Variants in CYP24A1 observed in about 807,000 individuals in gnomAD.
CYP24A1 encodes the protein cytochrome P450 family 24 subfamily A member 1.
CYP24A1 carries 68 observed loss-of-function variants against 62.4 expected under a neutral mutation model. That is an observed-to-expected ratio of 1.09 (90% CI 0.90 to 1.33). CYP24A1 has a LOEUF of 1.33. CYP24A1 is among the 40% of genes most tolerant of loss of function. CYP24A1 has a pLI of 0.00. For synonymous variants in CYP24A1, 267 were observed against 253.0 expected (o/e 1.06, Z -0.52); for missense variants, 787 against 653.0 (o/e 1.21, Z -2.24).
the CYP24A1 span, among the ~76,000 whole-genome samples, chr20:54,146,775 G>T: frequency 6.6e-6 from 1 of 152,180 alleles, no homozygotes; most frequent in East Asian, 1.9e-4. Context: ...CAATTCTAAA[G>T]CATTGGTACT....
chr20:54,165,815 T>C lies in CYP24A1; in HGVS notation c.659A>G (p.Tyr220Cys), dbSNP rs915857274. 2.0e-6 allele frequency: 3 copies of C among 1,464,116 alleles called. No homozygotes were observed. Among genetic ancestry groups the C allele is most frequent in the African/African-American group, 2.8e-5 (2 of 72,140 alleles). 90.7% of individuals were successfully genotyped at this position (1,464,116 alleles called of 1,614,324 possible). A position where few individuals can be genotyped will look rare whatever the true frequency, so the allele number is the denominator to read the frequency against. The part of the protein sequence containing the change: ...WSFESICLVL[Y>C]EKRFGLLQKN... ...CTGGAGAAGCCCAAATCTCTTCTCA[T>C]ACAACACGAGGCAGATACCTGTCAT... Residue 220 changes from tyrosine (Y) to cysteine (C), a missense_variant, in exon 5 of 12, where the codon TAT becomes TGT. By Grantham distance (194) the Tyr-to-Cys change is radical. Transcript: ENST00000216862.
chr20:54,154,559 C>A lies in CYP24A1; in HGVS notation c.*213G>T, dbSNP rs1479032958. 1 of 152,646 alleles carries A rather than the reference C, an allele frequency of 6.6e-6. No homozygotes were observed. The highest frequency in any genetic ancestry group is 1.9e-4 in the East Asian group (1 of 5,248). The allele number at this position is 152,646 out of a possible 1,614,324, so 9.5% of individuals were successfully genotyped here. On this transcript the variant is annotated 3_prime_UTR_variant, in exon 12 of 12. Transcript: ENST00000216862. ...GGCAGGGCCTGAAACGGTTTGTAAC[C>A]TCTACCTGACTGACAAGTGCCAGCC...
chr20:54,144,737 C>G, the CYP24A1 span, among the ~76,000 whole-genome samples: 1 of 150,764 alleles, frequency 6.6e-6, no homozygotes, highest in African/African-American at 2.4e-5. Context: ...CTTGGCCCTG[C>G]AAATTATGTA....
At chr20:54,168,383 T>C (rs552881940) in intron 4 of CYP24A1, among the ~76,000 whole-genome samples, 1 of 152,128 alleles carries the variant, frequency 6.6e-6, no homozygotes, top group Non-Finnish European at 1.5e-5. Context: ...CCAGGACCTA[T>C]GAGCTGTGCC....
intron 11 of CYP24A1, among the ~76,000 whole-genome samples, chr20:54,156,694 T>G (rs1295659952): frequency 6.6e-6 from 1 of 152,198 alleles, no homozygotes; most frequent in Non-Finnish European, 1.5e-5. Flanking sequence ...TTTTAGTAAT[T>G]TGCGGTGGCA....
rs1272248830 is a variant in CYP24A1 at position 54,169,643 on chromosome 20, T to C, written c.589A>G (p.Arg197Gly). The part of the protein sequence containing the change: ...MGRIDELCDE[R>G]GHVEDLYSEL... ...CTGTACAAGTCTTCAACGTGGCCTC[T>C]TTCATCACAGAGCTCATCTATTCTG... Residue 197 changes from arginine (R) to glycine (G), a missense_variant, in exon 4 of 12, where the codon AGA becomes GGA. Physicochemically the swap from Arg to Gly is moderately radical, Grantham distance 125. Coordinates refer to ENST00000216862, the MANE Select transcript of CYP24A1 (RefSeq NM_000782.5). The C allele has an allele frequency of 6.2e-7, 1 of 1,614,224 alleles. No individual in the cohort carries two copies. Among genetic ancestry groups the C allele is most frequent in the South Asian group, 1.1e-5 (1 of 91,084 alleles).
Position 54,171,670 on chromosome 20 carries a change from C to T in CYP24A1, c.450G>A (p.Leu150=). 6.2e-7 allele frequency: 1 copy of T among 1,613,760 alleles called. No individual in the cohort carries two copies. Among genetic ancestry groups the T allele is most frequent in the South Asian group, 1.1e-5 (1 of 91,050 alleles). ...YRKEGYGLLI[L]EGEDWQRVRS... is the part of the protein sequence containing the mutation. ...GGACCCGCTGCCAGTCTTCCCCTTC[C>T]CTGTGAGAGAAGCAGGAATACATTT... The change falls in exon 3 of 12, where the codon CTG becomes CTA. Residue 150 remains leucine, a splice_region_variant and synonymous_variant. Coordinates refer to ENST00000216862, the MANE Select transcript of CYP24A1 (RefSeq NM_000782.5).
At chr20:54,171,311 C>G (rs939619026) in intron 3 of CYP24A1, among the ~76,000 whole-genome samples, 3 of 152,074 alleles carry the variant, frequency 2.0e-5, no homozygotes, top group African/African-American at 7.2e-5. Context: ...AGCTGGGGTT[C>G]AAATCCAGGG....
chr20:54,164,434 T>C lies in CYP24A1; in HGVS notation c.844+18A>G, dbSNP rs771949062. ...GTGCTGGGCTGGTTCTGGCTGGTTG[T>C]GAAGGGCGGCCCTTTACCTGATTTG... On this transcript the variant is annotated intron_variant, in intron 6 of 11. Coordinates refer to ENST00000216862, the MANE Select transcript of CYP24A1 (RefSeq NM_000782.5). 123 of 1,613,906 alleles carry C rather than the reference T, an allele frequency of 7.6e-5. No individual in the cohort carries two copies. The highest frequency in any genetic ancestry group is 2.2e-5 in the East Asian group (1 of 44,880).
rs780316659 is a variant in CYP24A1, at chr20:54,169,707, CA to C, written c.544-20del. The C allele has an allele frequency of 1.9e-6, 3 of 1,613,698 alleles. No individual in the cohort carries two copies. In the African/African-American group the frequency reaches 4.0e-5, roughly 22 times the overall value. On this transcript the variant is annotated intron_variant, in intron 3 of 11. Coordinates refer to ENST00000216862, the MANE Select transcript of CYP24A1 (RefSeq NM_000782.5). ...CCAAGACCTTCAAAGAAAACAACCGCAAAAGACACATTTTAAAGCCGTTGAA... is the reference window on the plus strand; with the variant it reads ...CCAAGACCTTCAAAGAAAACAACCGCAAAGACACATTTTAAAGCCGTTGAA...
chr20:54,144,546 C>T, the CYP24A1 span, among the ~76,000 whole-genome samples: 1 of 151,654 alleles, frequency 6.6e-6, no homozygotes, highest in African/African-American at 2.4e-5. Context: ...TGAGCCACCA[C>T]ACCTGGCCTT....
intron 2 of CYP24A1, 55 bp downstream of exon 2, chr20:54,172,854 G>T: frequency 1.9e-6 from 3 of 1,610,928 alleles, no homozygotes; most frequent in Non-Finnish European, 2.5e-6. Flanking sequence ...ATTTCCAGGC[G>T]CCGTCAGGCT....
Position 54,173,538 on chromosome 20 carries a change from G to T in CYP24A1, c.42C>A (p.Phe14Leu). 1 of 1,580,978 alleles carries T rather than the reference G, an allele frequency of 6.3e-7. No individual in the cohort carries two copies. Reference sequence around the variant, plus strand: ...GCCTCGGACTGCGCAGCTGCTGCAGGAAGGCGGCAAGCGAGCGGCTCTTGC... The same window carrying T: ...GCCTCGGACTGCGCAGCTGCTGCAGTAAGGCGGCAAGCGAGCGGCTCTTGC... ...PISKSRSLAAFLQQLRSPRQP... is the reference protein window; with the variant it reads ...PISKSRSLAALLQQLRSPRQP... Residue 14 changes from phenylalanine to leucine, a missense_variant, in exon 1 of 12, where the codon TTC becomes TTA. Phe to Leu is a conservative substitution (Grantham distance 22). Transcript: ENST00000216862. The surrounding 1 kb of genome is among the most constrained non-coding windows in gnomAD (Gnocchi z 7.2).
intron 7 of CYP24A1, among the ~76,000 whole-genome samples, chr20:54,160,387 A>G (rs1451623513): frequency 1.3e-5 from 2 of 152,234 alleles, no homozygotes; most frequent in South Asian, 4.1e-4. Context: ...TTGCTAATTT[A>G]AGCCAAATAT....
chr20:54,171,985 C>T, intron 2 of CYP24A1: 1 of 424,670 alleles, frequency 2.4e-6, no homozygotes, highest in Non-Finnish European at 4.3e-6. Flanking sequence ...GGCCTGGGGA[C>T]AATTCCTAGC....
rs756229861 is a variant in CYP24A1, at chr20:54,164,575, G to A, written c.733-12C>T. On this transcript the variant is annotated splice_polypyrimidine_tract_variant and intron_variant, in intron 5 of 11. Transcript: ENST00000216862. Reference sequence around the variant, plus strand: ...AACGTGCTCATCATCTGAGAGAAATGCAAATGCCTTTTTATTCTGAATTCT... The same window carrying A: ...AACGTGCTCATCATCTGAGAGAAATACAAATGCCTTTTTATTCTGAATTCT... The A allele has an allele frequency of 4.3e-6, 7 of 1,614,104 alleles. No individual in the cohort carries two copies. Among genetic ancestry groups the A allele is most frequent in the South Asian group, 2.2e-5 (2 of 91,076 alleles).
intron 7 of CYP24A1, among the ~76,000 whole-genome samples, chr20:54,161,565 A>G (rs1341376793): frequency 6.6e-6 from 1 of 151,952 alleles, no homozygotes; most frequent in Admixed American, 6.6e-5. Context: ...TCATTTATTC[A>G]ACAAGTATCT....
downstream of CYP24A1, among the ~76,000 whole-genome samples, chr20:54,151,488 G>C (rs1201451462): frequency 6.6e-6 from 1 of 151,554 alleles, no homozygotes; most frequent in Non-Finnish European, 1.5e-5. Flanking sequence ...ATTTGGTTTG[G>C]TTCAAATCTA....
In CYP24A1 at chr20:54,172,854, G is replaced by A; in HGVS notation, c.449+55C>T. The A allele has an allele frequency of 5.0e-6, 8 of 1,610,928 alleles. No homozygotes were observed. The South Asian group carries it at 8.8e-5, about 18-fold the overall frequency. ...CTCCGCCTCTTCACAATTTCCAGGC[G>A]CCGTCAGGCTCATCAGGTCTGGCCG... On this transcript the variant is annotated intron_variant, in intron 2 of 11. Transcript: ENST00000216862.
Sources: gnomAD v4.1 joint callset for allele counts (sites outside exome capture counted in the v4.1 genomes callset) on GRCh38, gnomAD v4.1.1 for gene constraint, Gnocchi (gnomAD v3.1) non-coding constraint, MANE v1.5 for transcripts, NCBI Gene and HGNC (gene_info 2026-07-23, HGNC 2026-07-21) for gene names.